SCAF4: variants seen among roughly 807,000 people sequenced by gnomAD.
SCAF4 encodes SR-related and CTD-associated factor 4.
Under a neutral mutation model 129.8 loss-of-function variants are expected in SCAF4, and 25 were observed. The ratio of observed to expected loss-of-function variants is 0.19; its 90% CI spans 0.14 to 0.27. The LOEUF (loss-of-function observed/expected upper bound fraction) is 0.27. Among genes scored for constraint, SCAF4 ranks in the 10% least tolerant of loss-of-function variants. The pLI, the probability that SCAF4 is intolerant of heterozygous loss-of-function variation, is 1.00. For missense variants in SCAF4, 1,246 were observed against 1,457.1 expected (o/e 0.86, Z 2.36); for synonymous variants, 551 against 497.7 (o/e 1.11, Z -1.43).
intron 1 of SCAF4, among the ~76,000 whole-genome samples, chr21:31,709,555 G>T (rs1276017604): frequency 6.6e-6 from 1 of 152,112 alleles, no homozygotes. Flanking sequence ...AGACAGACTA[G>T]TGTAGCTTTT....
intron 1 of SCAF4, among the ~76,000 whole-genome samples, chr21:31,725,267 TAAAA>T (rs143522390): frequency 4.0e-5 from 6 of 149,162 alleles, no homozygotes; most frequent in Non-Finnish European, 9.0e-5. Flanking sequence ...CACTACAGGT[TAAAA>T]AAAAAATACT....
chr21:31,719,056 C>T (rs1459167672), intron 1 of SCAF4, among the ~76,000 whole-genome samples: 1 of 152,044 alleles, frequency 6.6e-6, no homozygotes, highest in East Asian at 1.9e-4. Flanking sequence ...TTCGGGAGGC[C>T]GAGGTAGACA....
chr21:31,696,541 C>T, intron 8 of SCAF4, 28 bp downstream of exon 8: 4 of 1,560,898 alleles, frequency 2.6e-6, no homozygotes, highest in Non-Finnish European at 3.5e-6. Context: ...AATTTTCTAT[C>T]TGCTGAGGAA....
intron 15 of SCAF4, 121 bp downstream of exon 15, chr21:31,690,676 C>G: frequency 1.3e-6 from 1 of 790,152 alleles, no homozygotes. Context: ...GATACTGACA[C>G]AGGAGGGATC....
intron 1 of SCAF4, 117 bp downstream of exon 1, chr21:31,731,546 G>C: frequency 7.9e-7 from 1 of 1,265,192 alleles, no homozygotes; most frequent in South Asian, 1.3e-5. Context: ...CGCCGCCCCG[G>C]AACCGGGGCA....
At position 31,690,873 on chromosome 21, in the gene SCAF4, T is replaced by G. The variant is rs144653151; in HGVS notation, c.1809A>C (p.Pro603=). 1.4e-4 allele frequency: 221 copies of G among 1,613,962 alleles called. No individual in the cohort carries two copies. The South Asian group carries it at 2.4e-3, about 18-fold the overall frequency. ...WDVELGVTYI[P]WDKVKPEELE... ...GTTCCTCAGGCTTGACTTTGTCCCA[T>G]GGAATATAAGTAACACCAAGTTCTA... is the stretch of plus-strand genomic sequence containing the variant. The change falls in exon 15 of 20, where the codon CCA becomes CCC. Residue 603 remains proline, a synonymous_variant. Transcript: ENST00000286835.
intron 1 of SCAF4, among the ~76,000 whole-genome samples, chr21:31,723,625 T>TGC (rs1369080371): frequency 1.1e-4 from 15 of 142,168 alleles, no homozygotes; most frequent in Admixed American, 7.3e-4. Context: ...TGTGTGTGTG[T>TGC]GTGTGCGCGC....
At position 31,699,612 on chromosome 21, in the gene SCAF4, T is replaced by A. The variant is rs534853389; in HGVS notation, c.777+1383A>T. On this transcript the variant is annotated intron_variant, in intron 7 of 19. Coordinates refer to ENST00000286835, the MANE Select transcript of SCAF4 (RefSeq NM_020706.2). ...ATCACTAAGATATAATGAAAACTGGTATTTACTAGGTGGATTTTTAATTTA... is the reference window on the plus strand; with the variant it reads ...ATCACTAAGATATAATGAAAACTGGAATTTACTAGGTGGATTTTTAATTTA... Among the ~76,000 whole-genome samples, 27 of 152,134 alleles carry A rather than the reference T, an allele frequency of 1.8e-4. No individual in the cohort carries two copies. The Middle Eastern group carries it at 0.014, about 77-fold the overall frequency.
intron 1 of SCAF4, among the ~76,000 whole-genome samples, chr21:31,720,790 T>C (rs761362203): frequency 6.6e-5 from 10 of 152,232 alleles, no homozygotes; most frequent in Non-Finnish European, 1.0e-4. Context: ...CTGTTCCCAC[T>C]GGATTACTCC....
In SCAF4 at chr21:31,672,002, TGGCTGCTGCGGC is replaced by T. The variant is rs917631952; in HGVS notation, c.2829_2840del (p.Pro944_Pro947del). 3.1e-6 allele frequency: 5 copies of T among 1,613,104 alleles called. No individual in the cohort carries two copies. The Admixed American group carries it at 6.7e-5, about 22-fold the overall frequency. On this transcript the variant is annotated inframe_deletion, in exon 20 of 20. Transcript: ENST00000286835. ...GCGCCTGCGGCTGTGGCTGCTGCTG[TGGCTGCTGCGGC>T]GGCTGTTGCCTTCCGTCTCTGTCTT... is the stretch of plus-strand genomic sequence containing the variant.
chr21:31,695,775 G>A (rs1449096115), intron 9 of SCAF4, among the ~76,000 whole-genome samples: 1 of 152,122 alleles, frequency 6.6e-6, no homozygotes, highest in South Asian at 2.1e-4. Flanking sequence ...AGAGCTCAGA[G>A]CCCTCTAAAG....
intron 4 of SCAF4, among the ~76,000 whole-genome samples, chr21:31,702,866 T>C (rs1338973385): frequency 6.6e-6 from 1 of 152,138 alleles, no homozygotes; most frequent in Non-Finnish European, 1.5e-5. Flanking sequence ...ATCATCTTGG[T>C]TTTGGGTGTA....
intron 12 of SCAF4, among the ~76,000 whole-genome samples, 157 bp downstream of exon 12, chr21:31,693,137 C>T (rs2050299299): frequency 6.6e-6 from 1 of 152,112 alleles, no homozygotes; most frequent in African/African-American, 2.4e-5. Flanking sequence ...TAAGGGTATA[C>T]ATCAATGAAT....
intron 19 of SCAF4, among the ~76,000 whole-genome samples, chr21:31,673,428 T>C (rs2049763950): frequency 1.5e-5 from 2 of 134,690 alleles, no homozygotes; most frequent in African/African-American, 6.1e-5. Context: ...CAGTTAGCAA[T>C]GGTAAGAAAA....
chr21:31,700,029 T>C (rs1368942884), intron 7 of SCAF4, among the ~76,000 whole-genome samples: 7 of 151,926 alleles, frequency 4.6e-5, no homozygotes, highest in Non-Finnish European at 7.4e-5. Context: ...GGCACAATCA[T>C]GGCTTACTGC....
chr21:31,682,327 T>A (rs2123487898), intron 19 of SCAF4, among the ~76,000 whole-genome samples: 1 of 150,720 alleles, frequency 6.6e-6, no homozygotes, highest in South Asian at 2.1e-4. Context: ...TGCAGTGAGA[T>A]GAGATTGCGC....
At position 31,732,038 on chromosome 21, in the gene SCAF4, C is replaced by A. The variant is rs991757867; in HGVS notation, c.-346G>T. 2.4e-4 allele frequency: 102 copies of A among 428,404 alleles called. 1 individual carries two copies. The Middle Eastern group carries it at 4.1e-3, about 17-fold the overall frequency. 26.5% of individuals were successfully genotyped at this position (428,404 alleles called of 1,614,324 possible). A position where few individuals can be genotyped will look rare whatever the true frequency, so the allele number is the denominator to read the frequency against. On this transcript the variant is annotated 5_prime_UTR_variant, in exon 1 of 20. Coordinates refer to ENST00000286835, the MANE Select transcript of SCAF4 (RefSeq NM_020706.2). ...ACGCACTGGCTCACACTGGCCCGGC[C>A]GGCGAGCGGGCGGGCCTCTCTCTCC... is the stretch of plus-strand genomic sequence containing the variant.
intron 1 of SCAF4, among the ~76,000 whole-genome samples, chr21:31,713,327 C>T (rs561609905): frequency 2.0e-5 from 3 of 152,262 alleles, no homozygotes; most frequent in East Asian, 3.9e-4. Flanking sequence ...CTACCACTTG[C>T]TACCTATGAG....
chr21:31,708,678 C>A (rs115996584), intron 1 of SCAF4, among the ~76,000 whole-genome samples: 2,526 of 152,258 alleles, frequency 0.017, 72 homozygotes, highest in African/African-American at 0.058. Flanking sequence ...ACATTTAATT[C>A]TTGGGTTGTC....
Sources: allele counts gnomAD v4.1 joint callset (sites outside exome capture counted in the v4.1 genomes callset), GRCh38; gene constraint gnomAD v4.1.1; transcripts MANE v1.5; gene names NCBI Gene and HGNC (gene_info 2026-07-23, HGNC 2026-07-21).